GLI3: variants seen among roughly 807,000 people sequenced by gnomAD.
GLI3 encodes the protein GLI family zinc finger 3, also known as transcription activator GLI3.
A neutral mutation model predicts 100.8 loss-of-function variants in GLI3; 20 were observed. The ratio of observed to expected loss-of-function variants is 0.20; its 90% confidence interval spans 0.14 to 0.29. GLI3 has a LOEUF of 0.29. GLI3 is among the 10% of genes least tolerant of loss of function. The pLI is 1.00. For missense variants in GLI3, 2,040 were observed against 2,128.5 expected (o/e 0.96, Z 0.82); for synonymous variants, 938 against 860.5 (o/e 1.09, Z -1.58).
Position 41,974,595 on chromosome 7 carries a change from A to G in GLI3, c.1813-1968T>C, listed in dbSNP as rs368602999. 4.5e-4 allele frequency among the ~76,000 whole-genome samples: 68 copies of G among 152,352 alleles called. No individual in the cohort carries two copies. The South Asian group carries it at 8.1e-3, about 18-fold the overall frequency. On this transcript the variant is annotated intron_variant, in intron 12 of 14. Coordinates refer to ENST00000395925, the MANE Select transcript of GLI3 (RefSeq NM_000168.6). ...AAGAAGATGCAATGATCTGTAATAT[A>G]AAGTGTGAAAGCTATGTAAGGATAT...
chr7:42,153,669 G>C (rs1786932033), intron 2 of GLI3, among the ~76,000 whole-genome samples: 2 of 152,094 alleles, frequency 1.3e-5, no homozygotes, highest in Admixed American at 1.3e-4. Context: ...CCATATTTAA[G>C]GTCTGAGTTT....
At chr7:42,172,404 C>T (rs1438421305) in intron 2 of GLI3, 2 of 611,566 alleles carry the variant, frequency 3.3e-6, no homozygotes, top group East Asian at 5.5e-5. Flanking sequence ...ATTTGCATGG[C>T]TGGCATTTCT....
chr7:42,084,901 CTTTTTT>C (rs747166719), intron 3 of GLI3, among the ~76,000 whole-genome samples: 1 of 47,502 alleles, frequency 2.1e-5, no homozygotes, highest in Non-Finnish European at 3.5e-5. Flanking sequence ...CATTTGGATT[CTTTTTT>C]TTTTTTTTTT....
intron 4 of GLI3, among the ~76,000 whole-genome samples, chr7:42,049,034 T>C (rs1583509491): frequency 2.0e-5 from 3 of 152,294 alleles, no homozygotes. Flanking sequence ...GCTACAATTG[T>C]ATTTTCCACT....
At chr7:42,231,606 G>A (rs150495001) in intron 1 of GLI3, among the ~76,000 whole-genome samples, 2 of 152,272 alleles carry the variant, frequency 1.3e-5, no homozygotes, top group African/African-American at 2.4e-5. Flanking sequence ...TGCTCCACAC[G>A]TCTGGCCACT....
intron 2 of GLI3, among the ~76,000 whole-genome samples, chr7:42,219,943 TC>T (rs968470061): frequency 1.1e-4 from 16 of 148,466 alleles, no homozygotes; most frequent in African/African-American, 3.5e-4. Context: ...AAGCTCCACC[TC>T]CCGAATTCAC....
intron 13 of GLI3, among the ~76,000 whole-genome samples, chr7:41,969,400 C>T (rs982999864): frequency 1.3e-5 from 2 of 152,178 alleles, no homozygotes; most frequent in South Asian, 2.1e-4. Context: ...AAGGGCTCTT[C>T]GCAGTGGAAC....
At chr7:42,076,099 A>G (rs1784874145) in intron 4 of GLI3, among the ~76,000 whole-genome samples, 1 of 152,226 alleles carries the variant, frequency 6.6e-6, no homozygotes, top group Non-Finnish European at 1.5e-5. Context: ...GGACAGTACT[A>G]CAAAAAAATA....
chr7:41,964,240 A>T lies in GLI3; in HGVS notation c.*90T>A. 1 of 1,089,846 alleles carries T rather than the reference A, an allele frequency of 9.2e-7. No individual in the cohort carries two copies. The highest frequency in any genetic ancestry group is 1.4e-6 in the Non-Finnish European group (1 of 717,644). 67.5% of individuals were successfully genotyped at this position (1,089,846 alleles called of 1,614,324 possible). A position where few individuals can be genotyped will look rare whatever the true frequency, so the allele number is the denominator to read the frequency against. Reference sequence around the variant, plus strand: ...GTGAGATGAGATTGCTAAAATACATACAGAACTAAAAAAACAGCCAAAACA... The same window carrying T: ...GTGAGATGAGATTGCTAAAATACATTCAGAACTAAAAAAACAGCCAAAACA... On this transcript the variant is annotated 3_prime_UTR_variant, in exon 15 of 15. Transcript: ENST00000395925.
intron 2 of GLI3, among the ~76,000 whole-genome samples, chr7:42,175,240 C>T (rs1283907465): frequency 9.9e-5 from 15 of 152,170 alleles, no homozygotes; most frequent in Admixed American, 6.5e-4. Flanking sequence ...CCAGTCCCCC[C>T]GAAATGCTTG....
intron 1 of GLI3, among the ~76,000 whole-genome samples, chr7:42,246,799 T>C (rs895572216): frequency 7.2e-6 from 1 of 138,460 alleles, no homozygotes; most frequent in African/African-American, 2.7e-5. Flanking sequence ...CATTGGATGA[T>C]AGAATCTTTT....
rs1010427646 is a variant in GLI3 at position 42,093,339 on chromosome 7, A to G, written c.368-16482T>C. 1.1e-4 allele frequency among the ~76,000 whole-genome samples: 16 copies of G among 146,784 alleles called. 1 individual carries two copies. The East Asian group carries it at 2.7e-3, about 25-fold the overall frequency. ...GGTTGCAGTGAGCTGAGATCGCCCT[A>G]TTGCACTCCAGCCTGGGCAACAACA... On this transcript the variant is annotated intron_variant, in intron 3 of 14. Coordinates refer to ENST00000395925, the MANE Select transcript of GLI3 (RefSeq NM_000168.6).
chr7:42,162,127 G>T lies in GLI3; in HGVS notation c.125-13659C>A, dbSNP rs550762719. On this transcript the variant is annotated intron_variant, in intron 2 of 14. Coordinates refer to ENST00000395925, the MANE Select transcript of GLI3 (RefSeq NM_000168.6). ...ACGCAGAGGCTACAGGGTTAACACA[G>T]GGTAAGCAGTAATGTAAACATTAGG... Among the ~76,000 whole-genome samples, 3 of 152,334 alleles carry T rather than the reference G, an allele frequency of 2.0e-5. No homozygotes were observed. The East Asian group carries it at 5.8e-4, about 29-fold the overall frequency.
intron 3 of GLI3, among the ~76,000 whole-genome samples, chr7:42,125,589 T>C (rs962368865): frequency 3.3e-5 from 5 of 152,182 alleles, no homozygotes; most frequent in African/African-American, 1.2e-4. Flanking sequence ...CTTTTATGTC[T>C]TTCTTCATTT....
chr7:41,978,773 A>C, intron 10 of GLI3, 25 bp from the exon 11 acceptor site: 8 of 1,607,442 alleles, frequency 5.0e-6, no homozygotes, highest in Non-Finnish European at 6.8e-6. Context: ...AAGAGAGAGA[A>C]ATCAAATGGA....
At chr7:42,238,980 T>C (rs1353274415), upstream of GLI3, among the ~76,000 whole-genome samples, 1 of 152,250 alleles carries the variant, frequency 6.6e-6, no homozygotes, top group Non-Finnish European at 1.5e-5. Flanking sequence ...AATGCTTAAC[T>C]GAAGAATCTT....
At position 42,065,961 on chromosome 7, in the gene GLI3, G is replaced by A. The variant is rs577207361; in HGVS notation, c.473+10791C>T. On this transcript the variant is annotated intron_variant, in intron 4 of 14. Coordinates refer to ENST00000395925, the MANE Select transcript of GLI3 (RefSeq NM_000168.6). Reference sequence around the variant, plus strand: ...TTAAAAAATGTCTTTAGGTCTCCACGTTAGGGGCACTTAGCAAGCACTCTG... The same window carrying A: ...TTAAAAAATGTCTTTAGGTCTCCACATTAGGGGCACTTAGCAAGCACTCTG... Among the ~76,000 whole-genome samples, 5 of 152,248 alleles carry A rather than the reference G, an allele frequency of 3.3e-5. No individual in the cohort carries two copies. In the South Asian group the frequency reaches 8.3e-4, roughly 25 times the overall value.
chr7:42,122,723 A>G (rs1325135957), intron 3 of GLI3, among the ~76,000 whole-genome samples: 2 of 152,228 alleles, frequency 1.3e-5, no homozygotes, highest in Non-Finnish European at 2.9e-5. Flanking sequence ...GTGCAAGTCA[A>G]GTATATTCTA....
chr7:42,145,554 T>C (rs946481916), intron 3 of GLI3: 2 of 398,274 alleles, frequency 5.0e-6, no homozygotes, highest in Admixed American at 4.4e-5. Context: ...GTTTGCTCAA[T>C]TCTTAATCTG....
Sources: allele counts gnomAD v4.1 joint callset (sites outside exome capture counted in the v4.1 genomes callset), GRCh38; gene constraint gnomAD v4.1.1; transcripts MANE v1.5; gene names NCBI Gene and HGNC (gene_info 2026-07-23, HGNC 2026-07-21).